Variants in KCNQ1 observed in about 807,000 individuals in gnomAD.
The protein encoded by KCNQ1 is potassium voltage-gated channel subfamily Q member 1, also known as potassium voltage-gated channel subfamily KQT member 1.
In KCNQ1, 49 loss-of-function variants were observed where a neutral mutation model predicts 72.4. That is an observed-to-expected ratio of 0.68 (90% confidence interval 0.54 to 0.86). The LOEUF is 0.86. Among genes scored for constraint, KCNQ1 ranks in the 40% least tolerant of loss-of-function variants. KCNQ1 has a pLI of 0.00. For missense variants in KCNQ1, 790 were observed against 945.1 expected, an observed-to-expected ratio of 0.84 and a Z score of 2.15; for synonymous variants, 450 against 412.6, an observed-to-expected ratio of 1.09 and a Z score of -1.10.
chr11:2,718,350 AC>A (rs1388684385), intron 11 of KCNQ1, among the ~76,000 whole-genome samples: 5 of 151,802 alleles, frequency 3.3e-5, no homozygotes, highest in Non-Finnish European at 7.4e-5. Context: ...CATCTGGCTG[AC>A]CCCCTCCTCA....
At chr11:2,529,488 T>A (rs2133653224) in intron 2 of KCNQ1, among the ~76,000 whole-genome samples, 1 of 151,946 alleles carries the variant, frequency 6.6e-6, no homozygotes, top group Non-Finnish European at 1.5e-5. Flanking sequence ...ATGGGCAGCA[T>A]TTTATGGTTT....
intron 2 of KCNQ1, among the ~76,000 whole-genome samples, chr11:2,530,309 C>T (rs1252388442): frequency 1.3e-5 from 2 of 152,254 alleles, no homozygotes; most frequent in African/African-American, 2.4e-5. Context: ...TGTTCTGCCC[C>T]GGCCAACTGA....
intron 3 of KCNQ1, among the ~76,000 whole-genome samples, 155 bp from the exon 4 acceptor site, chr11:2,571,170 C>T (rs1382997524): frequency 1.3e-5 from 2 of 152,200 alleles, no homozygotes; most frequent in Non-Finnish European, 2.9e-5. Context: ...ATGCTGCCTG[C>T]CTCCCTATCC....
chr11:2,700,272 C>G (rs1018110770), intron 11 of KCNQ1, among the ~76,000 whole-genome samples: 7 of 152,088 alleles, frequency 4.6e-5, no homozygotes, highest in Non-Finnish European at 7.4e-5. Flanking sequence ...CCCCACCCGT[C>G]GTCCCTGAGC....
chr11:2,642,654 T>C lies in KCNQ1; in HGVS notation c.1394-19307T>C. On this transcript the variant is annotated intron_variant, in intron 10 of 15. Transcript: ENST00000155840. The surrounding 1 kb of genome is among the most constrained non-coding windows in gnomAD (Gnocchi z 4.3). ...TGATCCTTTATATTTATTTAGTTTCTTGTTTAGTTCTGCTCTGATCTTCGT... is the reference window on the plus strand; with the variant it reads ...TGATCCTTTATATTTATTTAGTTTCCTGTTTAGTTCTGCTCTGATCTTCGT... The C allele has an allele frequency of 2.5e-6, 1 of 397,978 alleles. No individual in the cohort carries two copies. The allele number at this position is 397,978 out of a possible 1,614,324, so 24.7% of individuals were successfully genotyped here.
chr11:2,803,472 G>A lies in KCNQ1; in HGVS notation c.1794+25435G>A, dbSNP rs1381036256. On this transcript the variant is annotated intron_variant, in intron 15 of 15. Transcript: ENST00000155840. The surrounding 1 kb of genome is among the most constrained non-coding windows in gnomAD (Gnocchi z 6.4). ...ACCTGTGTTCCCAGGAGCTTTAGGG[G>A]TACCCAGGTGGTGTGATGGGGAGCA... Among the ~76,000 whole-genome samples, 2 of 152,188 alleles carry A rather than the reference G, an allele frequency of 1.3e-5. No individual in the cohort carries two copies.
At position 2,670,583 on chromosome 11, in the gene KCNQ1, C is replaced by T. The variant is rs1355405308; in HGVS notation, c.1514+8502C>T. ...ATCACTGGGAGATAGGAGCAGAAGC[C>T]AGGGCTCATTCCCAGACACACAATC... On this transcript the variant is annotated intron_variant, in intron 11 of 15. Transcript: ENST00000155840. This position sits in a 1 kb window ranked among gnomAD's most constrained non-coding sequence, Gnocchi z 4.9. The T allele has an allele frequency of 1.5e-5, 6 of 398,104 alleles. No homozygotes were observed. Among genetic ancestry groups the T allele is most frequent in the Non-Finnish European group, 2.7e-5 (6 of 226,024 alleles). The allele number at this position is 398,104 out of a possible 1,614,324, so 24.7% of individuals were successfully genotyped here. A position where few individuals can be genotyped will look rare whatever the true frequency, so the allele number is the denominator to read the frequency against.
At position 2,462,573 on chromosome 11, in the gene KCNQ1, C is replaced by T. The variant is rs553113336; in HGVS notation, c.386+17089C>T. Among the ~76,000 whole-genome samples, 85 of 152,322 alleles carry T rather than the reference C, an allele frequency of 5.6e-4. No individual in the cohort carries two copies. The highest frequency in any genetic ancestry group is 9.3e-4 in the Non-Finnish European group (63 of 68,024). On this transcript the variant is annotated intron_variant, in intron 1 of 15. Coordinates refer to ENST00000155840, the MANE Select transcript of KCNQ1 (RefSeq NM_000218.3). The surrounding 1 kb of genome is among the most constrained non-coding windows in gnomAD (Gnocchi z 8.2). The stretch of plus-strand genomic sequence containing the variant: ...CCCACCTGTTACTGAGTGGCAGGGA[C>T]GTGCTCCCACACCCCCATGCGCCAT...
At position 2,704,356 on chromosome 11, in the gene KCNQ1, C is replaced by A. The variant is rs1440666674; in HGVS notation, c.1514+42275C>A. Among the ~76,000 whole-genome samples the A allele has an allele frequency of 6.6e-6, 1 of 152,230 alleles. No individual in the cohort carries two copies. The highest frequency in any genetic ancestry group is 1.5e-5 in the Non-Finnish European group (1 of 68,044). The stretch of plus-strand genomic sequence containing the variant: ...TTGTCAACTCTGTTCCCACTGAGCC[C>A]ATGAGACGGCTATTCCTTTGAGACA... On this transcript the variant is annotated intron_variant, in intron 11 of 15. Transcript: ENST00000155840. The surrounding 1 kb of genome is among the most constrained non-coding windows in gnomAD (Gnocchi z 4.3).
rs765665086 is a variant in KCNQ1 at position 2,572,924 on chromosome 11, G to T, written c.859G>T (p.Ala287Ser). Residue 287 changes from alanine (A) to serine (S), a missense_variant, in exon 6 of 16, where the codon GCG (alanine) becomes TCG (serine). Transcript: ENST00000155840. ...CTTTGTGTACCTGGCTGAGAAGGAC[G>T]CGGTGAACGAGTCAGGCCGCGTGGA... ...SYFVYLAEKD[A>S]VNESGRVEFG... 1.1e-5 allele frequency: 17 copies of T among 1,613,846 alleles called. 1 individual carries two copies. In the Middle Eastern group the frequency reaches 4.9e-4, roughly 47 times the overall value.
rs542953218 is a variant in KCNQ1 at position 2,507,113 on chromosome 11, G to A, written c.387-20815G>A. On this transcript the variant is annotated intron_variant, in intron 1 of 15. Transcript: ENST00000155840. The surrounding 1 kb of genome is among the most constrained non-coding windows in gnomAD (Gnocchi z 5.4). The stretch of plus-strand genomic sequence containing the variant: ...TGACTCCGGATTCAGGGCCACAGTT[G>A]AGAGCTTTTTCCTCCACCGAGGTTA... Among the ~76,000 whole-genome samples the A allele has an allele frequency of 7.2e-5, 11 of 152,290 alleles. No individual in the cohort carries two copies. The highest frequency in any genetic ancestry group is 2.6e-4 in the African/African-American group (11 of 41,564).
rs1849598350 is a variant in KCNQ1 at position 2,642,681 on chromosome 11, A to G, written c.1394-19280A>G. 2.5e-6 allele frequency: 1 copy of G among 396,830 alleles called. No individual in the cohort carries two copies. Among genetic ancestry groups the G allele is most frequent in the Non-Finnish European group, 4.4e-6 (1 of 225,384 alleles). 24.6% of individuals were successfully genotyped at this position (396,830 alleles called of 1,614,324 possible). On this transcript the variant is annotated intron_variant, in intron 10 of 15. Transcript: ENST00000155840. This position sits in a 1 kb window ranked among gnomAD's most constrained non-coding sequence, Gnocchi z 4.3. ...GTTTAGTTCTGCTCTGATCTTCGTT[A>G]TTTCTTTCCTTCTACTAATTTTATG...
Position 2,691,523 on chromosome 11 carries a change from A to G in KCNQ1, c.1514+29442A>G, listed in dbSNP as rs777896268. On this transcript the variant is annotated intron_variant, in intron 11 of 15. Coordinates refer to ENST00000155840, the MANE Select transcript of KCNQ1 (RefSeq NM_000218.3). The surrounding 1 kb of genome is among the most constrained non-coding windows in gnomAD (Gnocchi z 6.4). ...CATTTTTCAGCTTGCTTGGCTTTGC[A>G]TTAAAGTTGGGGGGATTTCTCTATC... is the stretch of plus-strand genomic sequence containing the variant. The G allele has an allele frequency of 2.3e-5, 9 of 398,446 alleles. No homozygotes were observed. The highest frequency in any genetic ancestry group is 1.8e-5 in the Non-Finnish European group (4 of 226,054). The allele number at this position is 398,446 out of a possible 1,614,324, so 24.7% of individuals were successfully genotyped here. A position where few individuals can be genotyped will look rare whatever the true frequency, so the allele number is the denominator to read the frequency against.
At chr11:2,631,607 G>T (rs775978343) in intron 10 of KCNQ1, 5 of 396,302 alleles carry the variant, frequency 1.3e-5, no homozygotes, top group Non-Finnish European at 2.2e-5. Context: ...GAAAATTATT[G>T]TATTTCTCAG....
rs1386114851 is a variant in KCNQ1, at chr11:2,715,350, C to A, written c.1514+53269C>A. Among the ~76,000 whole-genome samples the A allele has an allele frequency of 6.6e-6, 1 of 152,064 alleles. No homozygotes were observed. Among genetic ancestry groups the A allele is most frequent in the African/African-American group, 2.4e-5 (1 of 41,384 alleles). On this transcript the variant is annotated intron_variant, in intron 11 of 15. Coordinates refer to ENST00000155840, the MANE Select transcript of KCNQ1 (RefSeq NM_000218.3). The surrounding 1 kb of genome is among the most constrained non-coding windows in gnomAD (Gnocchi z 4.9). ...TGGAGGGCCCTTACCCCGGAGGAGC[C>A]AGGAAGGTGGACAGAGCAGGCAGGA...
intron 11 of KCNQ1, among the ~76,000 whole-genome samples, chr11:2,749,461 C>G (rs1347478240): frequency 1.3e-5 from 2 of 151,998 alleles, no homozygotes; most frequent in Non-Finnish European, 2.9e-5. Flanking sequence ...TCTCTGGGCC[C>G]CAGTTCCCTT....
Position 2,543,369 on chromosome 11 carries a change from G to T in KCNQ1, c.477+15351G>T, listed in dbSNP as rs934524358. The stretch of plus-strand genomic sequence containing the variant: ...GCTCACTGCAACCTCGAATTCCTGG[G>T]CTCCGAGGATCCTCCCACCTCAGCC... On this transcript the variant is annotated intron_variant, in intron 2 of 15. Transcript: ENST00000155840. The surrounding 1 kb of genome is among the most constrained non-coding windows in gnomAD (Gnocchi z 5.6). Among the ~76,000 whole-genome samples, 2 of 151,994 alleles carry T rather than the reference G, an allele frequency of 1.3e-5. No individual in the cohort carries two copies. The highest frequency in any genetic ancestry group is 1.5e-5 in the Non-Finnish European group (1 of 68,020).
chr11:2,461,318 GT>G, intron 1 of KCNQ1: 1 of 859,248 alleles, frequency 1.2e-6, no homozygotes, highest in Non-Finnish European at 1.6e-6. Context: ...CAGCAGATTT[GT>G]AGTCTGGTTG....
chr11:2,726,998 C>T (rs551505044), intron 11 of KCNQ1, among the ~76,000 whole-genome samples: 7 of 152,288 alleles, frequency 4.6e-5, no homozygotes, highest in Admixed American at 2.0e-4. Context: ...GCATGGAGGT[C>T]GGCAGCAGGG....
Sources: allele counts gnomAD v4.1 joint callset (sites outside exome capture counted in the v4.1 genomes callset), GRCh38; gene constraint gnomAD v4.1.1; non-coding constraint Gnocchi (gnomAD v3.1); transcripts MANE v1.5; gene names NCBI Gene and HGNC (gene_info 2026-07-23, HGNC 2026-07-21).